The following PTPRD variants were observed in gnomAD, a reference collection of about 807,000 sequenced individuals.
The protein encoded by PTPRD is receptor-type tyrosine-protein phosphatase delta.
A neutral mutation model predicts 214.5 loss-of-function variants in PTPRD; 34 were observed. That is an observed-to-expected ratio of 0.16 (90% CI 0.12 to 0.21). The LOEUF (loss-of-function observed/expected upper bound fraction) is 0.21, where lower values mean the gene tolerates loss of function less well. Among genes scored for constraint, PTPRD ranks in the 10% least tolerant of loss-of-function variants. The pLI is 1.00. For synonymous variants in PTPRD, 1,128 were observed against 845.7 expected (o/e 1.33, Z -5.79); for missense variants, 2,545 against 2,398.7 (o/e 1.06, Z -1.27).
chr9:9,096,154 T>A (rs2099783187), intron 10 of PTPRD, among the ~76,000 whole-genome samples: 1 of 152,212 alleles, frequency 6.6e-6, no homozygotes, highest in Admixed American at 6.5e-5. Context: ...AGATTTCATG[T>A]GCAACATGAG....
At chr9:8,572,575 A>C (rs1404949376) in intron 14 of PTPRD, among the ~76,000 whole-genome samples, 1 of 152,084 alleles carries the variant, frequency 6.6e-6, no homozygotes, top group Non-Finnish European at 1.5e-5. Flanking sequence ...AAAGCTAAAA[A>C]AAGGAAGAAA....
At chr9:8,551,876 G>A (rs2082202224) in intron 14 of PTPRD, among the ~76,000 whole-genome samples, 1 of 152,150 alleles carries the variant, frequency 6.6e-6, no homozygotes, top group South Asian at 2.1e-4. Context: ...CCAGAAATGT[G>A]ATCCAGTCAT....
chr9:9,440,935 A>G (rs1474543079), intron 8 of PTPRD, among the ~76,000 whole-genome samples: 1 of 152,204 alleles, frequency 6.6e-6, no homozygotes, highest in Non-Finnish European at 1.5e-5. Flanking sequence ...CGAAGGAAGT[A>G]TGATGGGCAG....
At chr9:8,375,285 G>T (rs1009664893) in intron 39 of PTPRD, among the ~76,000 whole-genome samples, 12 of 151,888 alleles carry the variant, frequency 7.9e-5, no homozygotes, top group South Asian at 2.1e-4. Context: ...CAATCTGAGT[G>T]GTGATGTAGC....
intron 3 of PTPRD, among the ~76,000 whole-genome samples, chr9:10,281,872 T>A (rs538856073): frequency 6.6e-6 from 1 of 152,298 alleles, no homozygotes; most frequent in South Asian, 2.1e-4. Flanking sequence ...AGCATTCTAT[T>A]GCATTTATCA....
intron 11 of PTPRD, among the ~76,000 whole-genome samples, chr9:8,910,578 A>G (rs78091344): frequency 0.026 from 3,982 of 152,178 alleles, 175 homozygotes; most frequent in African/African-American, 0.09. Context: ...ACTCTGCAGG[A>G]GGTCCCCACC....
intron 8 of PTPRD, among the ~76,000 whole-genome samples, chr9:9,437,696 C>T (rs1340888166): frequency 1.3e-5 from 2 of 152,040 alleles, no homozygotes; most frequent in African/African-American, 4.8e-5. Flanking sequence ...TCTCTTATAA[C>T]TTGTGGTGTA....
chr9:8,692,311 G>C (rs950460698), intron 12 of PTPRD, among the ~76,000 whole-genome samples: 5 of 152,132 alleles, frequency 3.3e-5, no homozygotes, highest in Non-Finnish European at 7.4e-5. Context: ...CGGAGGCTTT[G>C]CTCCATGTAG....
At chr9:10,339,871 T>C (rs963450768) in intron 3 of PTPRD, among the ~76,000 whole-genome samples, 1 of 151,732 alleles carries the variant, frequency 6.6e-6, no homozygotes, top group East Asian at 1.9e-4. Context: ...AAAATATAAT[T>C]TTGAAAATTG....
At chr9:8,515,101 A>C (rs1216167049) in intron 21 of PTPRD, among the ~76,000 whole-genome samples, 2 of 152,194 alleles carry the variant, frequency 1.3e-5, no homozygotes, top group Non-Finnish European at 2.9e-5. Flanking sequence ...GTATCTCTTT[A>C]TAGCAGTGTG....
chr9:9,666,086 T>C (rs1329574004), intron 7 of PTPRD, among the ~76,000 whole-genome samples: 1 of 151,912 alleles, frequency 6.6e-6, no homozygotes, highest in Non-Finnish European at 1.5e-5. Flanking sequence ...ACTATCCACA[T>C]ATCAAGTTGT....
intron 9 of PTPRD, among the ~76,000 whole-genome samples, chr9:9,275,743 T>C (rs1569566818): frequency 6.6e-6 from 1 of 151,310 alleles, no homozygotes; most frequent in Non-Finnish European, 1.5e-5. Context: ...CTTTAAAGTG[T>C]GAATTAGTGC....
rs553118031 is a variant in PTPRD at position 8,840,453 on chromosome 9, G to T, written c.-103-106507C>A. Among the ~76,000 whole-genome samples, 12 of 152,280 alleles carry T rather than the reference G, an allele frequency of 7.9e-5. No homozygotes were observed. In the South Asian group the frequency reaches 2.5e-3, roughly 32 times the overall value. On this transcript the variant is annotated intron_variant, in intron 11 of 45. Transcript: ENST00000381196. ...GAGGCCTTCCCAACCACATGGAATTGCAAGTCTATTAAACCTTTTTCCTGT... is the reference window on the plus strand; with the variant it reads ...GAGGCCTTCCCAACCACATGGAATTTCAAGTCTATTAAACCTTTTTCCTGT...
intron 11 of PTPRD, among the ~76,000 whole-genome samples, chr9:9,000,598 TG>T (rs1415871815): frequency 6.6e-6 from 1 of 152,020 alleles, no homozygotes; most frequent in Non-Finnish European, 1.5e-5. Context: ...GCATTTTTAA[TG>T]ACCCCCATTG....
intron 8 of PTPRD, among the ~76,000 whole-genome samples, chr9:9,419,019 T>C (rs1271280073): frequency 6.6e-6 from 1 of 151,650 alleles, no homozygotes; most frequent in Non-Finnish European, 1.5e-5. Context: ...TTTTGCAGAA[T>C]ATTTTGTGCA....
At chr9:10,208,409 G>A (rs908970486) in intron 3 of PTPRD, among the ~76,000 whole-genome samples, 2 of 152,194 alleles carry the variant, frequency 1.3e-5, no homozygotes, top group African/African-American at 2.4e-5. Flanking sequence ...AGCTACTCGG[G>A]AGGCTGAGGC....
chr9:8,706,209 A>T (rs2098204232), intron 12 of PTPRD, among the ~76,000 whole-genome samples: 2 of 152,280 alleles, frequency 1.3e-5, no homozygotes, highest in East Asian at 1.9e-4. Flanking sequence ...TTTCCAAGGG[A>T]TCTTGATCAA....
chr9:10,010,637 G>A (rs200025449), intron 4 of PTPRD, among the ~76,000 whole-genome samples: 1 of 151,832 alleles, frequency 6.6e-6, no homozygotes, highest in East Asian at 1.9e-4. Flanking sequence ...TTCCAAGCCA[G>A]AGGTAACCAT....
intron 3 of PTPRD, among the ~76,000 whole-genome samples, chr9:10,253,702 T>C (rs1178247166): frequency 1.3e-5 from 2 of 152,214 alleles, no homozygotes; most frequent in Non-Finnish European, 2.9e-5. Flanking sequence ...CAGCCCATTC[T>C]ATAAAGAGAA....
Sources: gnomAD v4.1 joint callset for allele counts (sites outside exome capture counted in the v4.1 genomes callset) on GRCh38, gnomAD v4.1.1 for gene constraint, MANE v1.5 for transcripts, NCBI Gene and HGNC (gene_info 2026-07-23, HGNC 2026-07-21) for gene names.